The following SPTLC1 variants were observed in gnomAD, a reference collection of about 807,000 sequenced individuals.
SPTLC1 encodes serine palmitoyltransferase 1.
A neutral mutation model predicts 68.9 loss-of-function variants in SPTLC1; 55 were observed. That is an observed-to-expected ratio of 0.80 (90% CI 0.64 to 1.00). The LOEUF is 1.00. Among genes scored for constraint, SPTLC1 ranks in the 50% least tolerant of loss-of-function variants. The pLI is 0.00. For missense variants in SPTLC1, 449 were observed against 573.1 expected (o/e 0.78, Z 2.21); for synonymous variants, 197 against 201.6 (o/e 0.98, Z 0.19).
At chr9:92,080,561 T>TA (rs1319538782) in intron 4 of SPTLC1, among the ~76,000 whole-genome samples, 2 of 152,160 alleles carry the variant, frequency 1.3e-5, no homozygotes. Flanking sequence ...TTTTTGGAGA[T>TA]AGAGTCTCGC....
intron 6 of SPTLC1, among the ~76,000 whole-genome samples, chr9:92,060,757 A>G (rs968834467): frequency 1.3e-5 from 2 of 151,512 alleles, no homozygotes; most frequent in African/African-American, 2.4e-5. Context: ...AAAAAAAAAA[A>G]AAAAAATTAG....
Position 92,032,498 on chromosome 9 carries a change from G to A in SPTLC1, c.1389C>T (p.Thr463=). The A allele has an allele frequency of 1.2e-6, 2 of 1,614,188 alleles. No individual in the cohort carries two copies. Among genetic ancestry groups the A allele is most frequent in the Middle Eastern group, 1.6e-4 (1 of 6,062 alleles). Residue 463 remains threonine, a synonymous_variant, in exon 15 of 15, where the codon ACC becomes ACT. Transcript: ENST00000262554. ...TEEELERAAS[T]IKEVAQAVLL Reference sequence around the variant, plus strand: ...GGACGGCCTGGGCTACCTCCTTGATGGTGGACGCAGCTCTCTCCAGTTCTT... The same window carrying A: ...GGACGGCCTGGGCTACCTCCTTGATAGTGGACGCAGCTCTCTCCAGTTCTT...
intron 9 of SPTLC1, among the ~76,000 whole-genome samples, 166 bp downstream of exon 9, chr9:92,049,794 C>T (rs968627341): frequency 1.3e-5 from 2 of 152,162 alleles, no homozygotes; most frequent in African/African-American, 4.8e-5. Context: ...CCTGGTCTGG[C>T]TGACTAGACT....
chr9:92,035,771 G>A (rs80027179), intron 13 of SPTLC1, among the ~76,000 whole-genome samples: 5,295 of 152,268 alleles, frequency 0.035, 220 homozygotes, highest in Middle Eastern at 0.12. Context: ...GAGGGGTCAC[G>A]TCGTAGGCTG....
At chr9:92,058,231 T>C (rs971756593) in intron 7 of SPTLC1, among the ~76,000 whole-genome samples, 1 of 151,474 alleles carries the variant, frequency 6.6e-6, no homozygotes, top group African/African-American at 2.5e-5. Flanking sequence ...AATGTGTATA[T>C]TCATGAAGTG....
At chr9:92,111,124 T>C (rs1164941909) in intron 2 of SPTLC1, 1 of 152,174 alleles carries the variant, frequency 6.6e-6, no homozygotes, top group Non-Finnish European at 1.5e-5. Context: ...TGAATCACCC[T>C]TATGGAAAAA....
At chr9:92,048,248 G>A (rs1375713235) in intron 9 of SPTLC1, among the ~76,000 whole-genome samples, 1 of 152,114 alleles carries the variant, frequency 6.6e-6, no homozygotes, top group African/African-American at 2.4e-5. Flanking sequence ...ATGACCTAAT[G>A]GGCTTTGAGT....
Position 92,099,212 on chromosome 9 carries a change from C to T in SPTLC1, c.260+9528G>A, listed in dbSNP as rs191012756. 5.2e-4 allele frequency among the ~76,000 whole-genome samples: 79 copies of T among 152,262 alleles called. 1 individual carries two copies. In the Middle Eastern group the frequency reaches 0.01, roughly 20 times the overall value. Reference sequence around the variant, plus strand: ...ATGAGCTGGGGTCCTGTTAGGGGCACCCAGGGATCGGCACCACAGCCCAAG... The same window carrying T: ...ATGAGCTGGGGTCCTGTTAGGGGCATCCAGGGATCGGCACCACAGCCCAAG... On this transcript the variant is annotated intron_variant, in intron 3 of 14. Coordinates refer to ENST00000262554, the MANE Select transcript of SPTLC1 (RefSeq NM_006415.4).
At position 92,047,698 on chromosome 9, in the gene SPTLC1, A is replaced by G; in HGVS notation, c.899T>C (p.Ile300Thr). The G allele has an allele frequency of 1.9e-6, 3 of 1,611,996 alleles. No homozygotes were observed. The highest frequency in any genetic ancestry group is 1.1e-5 in the South Asian group (1 of 90,958). ...TEHYGINIDDIDLISANMENA... is the reference protein window; with the variant it reads ...TEHYGINIDDTDLISANMENA... ...CTCCATGTTGGCACTGATAAGATCA[A>G]TATCATCAATCTGCCGGAAAAGGAG... Residue 300 changes from isoleucine (I) to threonine (T), a missense_variant, in exon 10 of 15, where the codon ATT becomes ACT. Physicochemically the swap from Ile to Thr is moderately conservative, Grantham distance 89. Transcript: ENST00000262554.
At chr9:92,060,531 TA>T (rs1834054077) in intron 6 of SPTLC1, among the ~76,000 whole-genome samples, 1 of 151,968 alleles carries the variant, frequency 6.6e-6, no homozygotes, top group Non-Finnish European at 1.5e-5. Flanking sequence ...ACTAAATTAC[TA>T]AAATAAGAAG....
In SPTLC1 at chr9:92,056,610, A is replaced by G. The variant is rs10992217; in HGVS notation, c.691-1116T>C. Among the ~76,000 whole-genome samples, 1,248 of 152,322 alleles carry G rather than the reference A, an allele frequency of 8.2e-3. 5 individuals are homozygous for G. The highest frequency in any genetic ancestry group is 0.012 in the Non-Finnish European group (840 of 68,024). On this transcript the variant is annotated intron_variant, in intron 7 of 14. Coordinates refer to ENST00000262554, the MANE Select transcript of SPTLC1 (RefSeq NM_006415.4). ...ATCTCCCACATGTATGAAACTGTAC[A>G]TGGTTCAGGTGTGTGGGACTGCAAA... is the stretch of plus-strand genomic sequence containing the variant.
chr9:92,035,096 C>T (rs928060630), intron 13 of SPTLC1, among the ~76,000 whole-genome samples: 2 of 152,244 alleles, frequency 1.3e-5, no homozygotes, highest in Admixed American at 6.5e-5. Context: ...TAGTGCCCAG[C>T]AGTCGCCATG....
intron 6 of SPTLC1, among the ~76,000 whole-genome samples, chr9:92,063,893 C>T (rs370816392): frequency 1.6e-4 from 25 of 152,160 alleles, no homozygotes; most frequent in African/African-American, 4.3e-4. Context: ...GAAATCTGCA[C>T]GTAACATTAT....
At chr9:92,083,206 T>C (rs1318171478) in intron 3 of SPTLC1, among the ~76,000 whole-genome samples, 2 of 152,302 alleles carry the variant, frequency 1.3e-5, no homozygotes, top group African/African-American at 2.4e-5. Flanking sequence ...TTCACTCTGA[T>C]GGTAGTTTCT....
At chr9:92,058,085 T>C (rs1046524446) in intron 7 of SPTLC1, among the ~76,000 whole-genome samples, 10 of 152,178 alleles carry the variant, frequency 6.6e-5, no homozygotes, top group African/African-American at 2.4e-4. Flanking sequence ...TTTTTATACT[T>C]TGTAAAAGAA....
intron 3 of SPTLC1, among the ~76,000 whole-genome samples, chr9:92,092,555 C>T (rs1835400093): frequency 6.6e-6 from 1 of 151,962 alleles, no homozygotes; most frequent in African/African-American, 2.4e-5. Flanking sequence ...ATGGTGAAAC[C>T]CTGTCTCTAT....
In SPTLC1 at chr9:92,109,335, C is replaced by G. The variant is rs150221231; in HGVS notation, c.166-501G>C. 68 of 164,832 alleles carry G rather than the reference C, an allele frequency of 4.1e-4. No individual in the cohort carries two copies. The East Asian group carries it at 9.5e-3, about 23-fold the overall frequency. The allele number at this position is 164,832 out of a possible 1,614,324, so 10.2% of individuals were successfully genotyped here. On this transcript the variant is annotated intron_variant, in intron 2 of 14. Coordinates refer to ENST00000262554, the MANE Select transcript of SPTLC1 (RefSeq NM_006415.4). ...GCTATCACTCCAGTTTAGCACCAAC[C>G]CCAGAATTAGGAGGACATTGACCCC...
intron 3 of SPTLC1, among the ~76,000 whole-genome samples, chr9:92,087,012 C>T (rs1378745272): frequency 1.3e-5 from 2 of 152,228 alleles, no homozygotes; most frequent in Non-Finnish European, 2.9e-5. Context: ...ATCGCTGATA[C>T]CCTTTCTTCC....
At chr9:92,106,854 C>T (rs1307472940) in intron 3 of SPTLC1, among the ~76,000 whole-genome samples, 1 of 152,126 alleles carries the variant, frequency 6.6e-6, no homozygotes, top group East Asian at 1.9e-4. Flanking sequence ...TTTCTCCTTC[C>T]AGCCTCCCTT....
Sources: gnomAD v4.1 joint callset for allele counts (sites outside exome capture counted in the v4.1 genomes callset) on GRCh38, gnomAD v4.1.1 for gene constraint, MANE v1.5 for transcripts, NCBI Gene and HGNC (gene_info 2026-07-23, HGNC 2026-07-21) for gene names.